The following FSTL4 variants were observed in gnomAD, a reference collection of about 807,000 sequenced individuals.
FSTL4 encodes the protein follistatin-related protein 4.
In FSTL4, 28 loss-of-function variants were observed where a neutral mutation model predicts 78.2. The ratio of observed to expected loss-of-function variants is 0.36; its 90% CI spans 0.27 to 0.49. The LOEUF is 0.49. Among genes scored for constraint, FSTL4 ranks in the 20% least tolerant of loss-of-function variants. The pLI is 0.98. For synonymous variants in FSTL4, 422 were observed against 440.5 expected (o/e 0.96, Z 0.53); for missense variants, 922 against 1,084.9 (o/e 0.85, Z 2.11).
chr5:133,402,357 TG>T (rs972920832), intron 3 of FSTL4, among the ~76,000 whole-genome samples: 3 of 152,144 alleles, frequency 2.0e-5, no homozygotes, highest in African/African-American at 7.2e-5. Flanking sequence ...AGTCTGGAAA[TG>T]AGATAATCAG....
At chr5:133,785,563 TCTTG>T in the FSTL4 span, among the ~76,000 whole-genome samples, 1 of 152,202 alleles carries the variant, frequency 6.6e-6, no homozygotes, top group East Asian at 1.9e-4. Flanking sequence ...CACTTGTTTT[TCTTG>T]GCCTCAGTTT....
At chr5:133,201,195 T>A (rs1466467621) in intron 15 of FSTL4, among the ~76,000 whole-genome samples, 1 of 152,250 alleles carries the variant, frequency 6.6e-6, no homozygotes, top group South Asian at 2.1e-4. Flanking sequence ...GGGGTCTTGA[T>A]GGCTTAGAGA....
the FSTL4 span, among the ~76,000 whole-genome samples, chr5:133,795,343 G>C: frequency 6.6e-6 from 1 of 152,246 alleles, no homozygotes; most frequent in African/African-American, 2.4e-5. Context: ...CAGCAAGCCA[G>C]ATAATAAATG....
chr5:133,794,863 C>A, the FSTL4 span, among the ~76,000 whole-genome samples: 1 of 152,134 alleles, frequency 6.6e-6, no homozygotes, highest in Non-Finnish European at 1.5e-5. Flanking sequence ...CATCACCAGC[C>A]ACCCTTGAGC....
chr5:133,546,599 A>T (rs965843795), intron 3 of FSTL4, among the ~76,000 whole-genome samples: 4 of 151,864 alleles, frequency 2.6e-5, no homozygotes, highest in Admixed American at 2.0e-4. Context: ...TAAGGAGATT[A>T]GTATAGACAG....
intron 4 of FSTL4, among the ~76,000 whole-genome samples, chr5:133,365,647 G>T (rs1755168347): frequency 6.6e-6 from 1 of 152,278 alleles, no homozygotes; most frequent in Admixed American, 6.5e-5. Flanking sequence ...TTTGTCAGGA[G>T]AATGAGTTAT....
At chr5:133,435,149 AG>A (rs1170508947) in intron 3 of FSTL4, among the ~76,000 whole-genome samples, 5 of 152,226 alleles carry the variant, frequency 3.3e-5, no homozygotes, top group Non-Finnish European at 7.3e-5. Flanking sequence ...GGTTTAGGAA[AG>A]CCCCACTCAC....
At chr5:133,251,527 T>C (rs1245447532) in intron 6 of FSTL4, among the ~76,000 whole-genome samples, 1 of 152,132 alleles carries the variant, frequency 6.6e-6, no homozygotes, top group African/African-American at 2.4e-5. Flanking sequence ...CCTAGATCAC[T>C]GCATCCGGAC....
intron 4 of FSTL4, among the ~76,000 whole-genome samples, chr5:133,398,838 A>G (rs975298668): frequency 1.4e-4 from 22 of 152,162 alleles, no homozygotes; most frequent in African/African-American, 4.8e-4. Context: ...ACCACTCTCC[A>G]CCAAAAAGGG....
intron 2 of FSTL4, chr5:133,575,001 A>G (rs943054635): frequency 2.0e-5 from 3 of 152,188 alleles, no homozygotes; most frequent in Non-Finnish European, 2.9e-5. Flanking sequence ...AGATATGTTC[A>G]CTTACAAAAT....
At chr5:133,367,577 C>T (rs941209785) in intron 4 of FSTL4, among the ~76,000 whole-genome samples, 2 of 152,206 alleles carry the variant, frequency 1.3e-5, no homozygotes, top group African/African-American at 2.4e-5. Flanking sequence ...TTTCTGCTTT[C>T]GCTCCAGATC....
intron 4 of FSTL4, among the ~76,000 whole-genome samples, chr5:133,317,284 A>G (rs2162767): frequency 0.3 from 45,984 of 152,166 alleles, 8,794 homozygotes; most frequent in African/African-American, 0.54. Flanking sequence ...CATCAGAACC[A>G]TGCAGTGTTT....
rs1455409997 is a variant in FSTL4, at chr5:133,198,074, A to AG, written c.*1020dup. 2 of 152,752 alleles carry AG rather than the reference A, an allele frequency of 1.3e-5. No homozygotes were observed. The highest frequency in any genetic ancestry group is 2.9e-5 in the Non-Finnish European group (2 of 68,160). The allele number at this position is 152,752 out of a possible 1,614,324, so 9.5% of individuals were successfully genotyped here. ...AACAAAATCTGTTTTGAAAAGGTAT[A>AG]GCTTCAGGAACTCACCTGGCCCCAC... On this transcript the variant is annotated 3_prime_UTR_variant, in exon 16 of 16. Coordinates refer to ENST00000265342, the MANE Select transcript of FSTL4 (RefSeq NM_015082.2).
chr5:133,600,693 G>A (rs1392348022), intron 2 of FSTL4, among the ~76,000 whole-genome samples: 3 of 152,138 alleles, frequency 2.0e-5, no homozygotes, highest in Non-Finnish European at 4.4e-5. Context: ...ACACGCGTTG[G>A]TCATTTAATT....
chr5:133,604,126 C>G (rs1760927286), intron 1 of FSTL4, 133 bp from the exon 2 acceptor site: 1 of 642,604 alleles, frequency 1.6e-6, no homozygotes, highest in Admixed American at 2.7e-5. Flanking sequence ...TCTGTTCTAC[C>G]TTGGAGAGGT....
At chr5:133,713,240 C>T in the FSTL4 span, among the ~76,000 whole-genome samples, 1 of 152,132 alleles carries the variant, frequency 6.6e-6, no homozygotes, top group Non-Finnish European at 1.5e-5. Flanking sequence ...ATAATTGCAA[C>T]TCTGCTAATT....
At chr5:133,341,408 C>T (rs991412730) in intron 4 of FSTL4, among the ~76,000 whole-genome samples, 10 of 152,100 alleles carry the variant, frequency 6.6e-5, no homozygotes, top group Non-Finnish European at 1.3e-4. Flanking sequence ...TTGGGCTCAG[C>T]GGCTGGCTCT....
At chr5:133,688,933 G>A in the FSTL4 span, among the ~76,000 whole-genome samples, 2,768 of 152,252 alleles carry the variant, frequency 0.018, 83 homozygotes, top group African/African-American at 0.063. Flanking sequence ...CTCCTCACAC[G>A]ACTTGGTCCT....
At chr5:133,467,143 T>C (rs1054786329) in intron 3 of FSTL4, among the ~76,000 whole-genome samples, 3 of 151,800 alleles carry the variant, frequency 2.0e-5, no homozygotes, top group Admixed American at 6.6e-5. Context: ...TGTGTGTATA[T>C]GTGTATGTGT....
Sources: gnomAD v4.1 joint callset for allele counts (sites outside exome capture counted in the v4.1 genomes callset) on GRCh38, gnomAD v4.1.1 for gene constraint, MANE v1.5 for transcripts, NCBI Gene and HGNC (gene_info 2026-07-23, HGNC 2026-07-21) for gene names.